Variants in DPP6 observed in about 807,000 individuals in gnomAD.
DPP6 encodes the protein dipeptidyl peptidase like 6.
Under a neutral mutation model 122.6 loss-of-function variants are expected in DPP6, and 69 were observed. That is an observed-to-expected ratio of 0.56 (90% confidence interval 0.46 to 0.69). DPP6 has a LOEUF of 0.69. Among genes scored for constraint, DPP6 ranks in the 30% least tolerant of loss-of-function variants. The pLI, the probability that DPP6 is intolerant of heterozygous loss-of-function variation, is 0.00. For synonymous variants in DPP6, 418 were observed against 433.1 expected (o/e 0.97, Z 0.43); for missense variants, 928 against 1,116.9 (o/e 0.83, Z 2.41).
rs1465413678 is a variant in DPP6, at chr7:154,474,952, T to C, written c.372T>C (p.Ser124=). The change falls in exon 3 of 26, where the codon AGT becomes AGC. Residue 124 remains serine, a synonymous_variant. Coordinates refer to ENST00000377770, the MANE Select transcript of DPP6 (RefSeq NM_130797.4). The stretch of plus-strand genomic sequence containing the variant: ...ATTTTTTTCTAGCGGAAGATAATAG[T>C]CTGTCTCAAAAGAAGAAGGTCACTG... ...VILLTPAEDN[S]LSQKKKVTVE... 2.5e-6 allele frequency: 4 copies of C among 1,613,304 alleles called. No homozygotes were observed. The highest frequency in any genetic ancestry group is 3.4e-6 in the Non-Finnish European group (4 of 1,179,480).
chr7:153,814,822 G>A, the DPP6 span, among the ~76,000 whole-genome samples: 1 of 151,756 alleles, frequency 6.6e-6, no homozygotes, highest in South Asian at 2.1e-4. Flanking sequence ...ATCAATAAAT[G>A]TAATCCAGCA....
At chr7:154,815,848 T>A (rs1354880604) in intron 16 of DPP6, among the ~76,000 whole-genome samples, 1 of 152,226 alleles carries the variant, frequency 6.6e-6, no homozygotes, top group Non-Finnish European at 1.5e-5. Context: ...GTCTTAGACT[T>A]AGCAGATTGG....
chr7:154,058,382 A>G (rs1046358688), intron 1 of DPP6: 1,587 of 119,636 alleles, frequency 0.013, 30 homozygotes, highest in East Asian at 0.05. Context: ...CCTGGCTCTG[A>G]GGACCCCCAT....
chr7:154,353,123 G>T (rs1218413075), intron 1 of DPP6, among the ~76,000 whole-genome samples: 2 of 152,250 alleles, frequency 1.3e-5, no homozygotes, highest in African/African-American at 4.8e-5. Context: ...CAGCCCAGAT[G>T]CACTGAATCA....
chr7:153,909,556 TC>T (rs1414148914), intron 1 of DPP6, among the ~76,000 whole-genome samples: 4 of 152,274 alleles, frequency 2.6e-5, no homozygotes, highest in African/African-American at 9.6e-5. Flanking sequence ...CCTCCTCATT[TC>T]CTCTTAAAAA....
At chr7:154,768,432 A>G (rs118016162) in intron 8 of DPP6, among the ~76,000 whole-genome samples, 1,624 of 152,338 alleles carry the variant, frequency 0.011, 21 homozygotes, top group South Asian at 0.024. Context: ...GTACGCACCT[A>G]ATAATAGCGA....
At chr7:153,920,683 C>T (rs1299875176) in intron 1 of DPP6, among the ~76,000 whole-genome samples, 1 of 146,606 alleles carries the variant, frequency 6.8e-6, no homozygotes, top group Admixed American at 7.1e-5. Context: ...ACCTTAGCCT[C>T]CTGAGTAGCT....
chr7:154,772,760 A>G, intron 9 of DPP6, 85 bp from the exon 10 acceptor site: 1 of 1,541,576 alleles, frequency 6.5e-7, no homozygotes, highest in Non-Finnish European at 8.8e-7. Flanking sequence ...CCACCTCGGA[A>G]TCTCCCAGGA....
At chr7:154,008,732 G>T (rs1314912905) in intron 1 of DPP6, among the ~76,000 whole-genome samples, 1 of 148,734 alleles carries the variant, frequency 6.7e-6, no homozygotes, top group East Asian at 2.0e-4. Flanking sequence ...CGCGATCTCG[G>T]CTCACTGCAA....
At chr7:154,133,097 T>C (rs538550147) in intron 1 of DPP6, among the ~76,000 whole-genome samples, 11 of 152,244 alleles carry the variant, frequency 7.2e-5, no homozygotes, top group African/African-American at 2.4e-4. Context: ...AAAAAGTAGC[T>C]CTGGGACAGG....
the DPP6 span, among the ~76,000 whole-genome samples, chr7:153,827,527 A>G: frequency 0.037 from 5,648 of 152,276 alleles, 151 homozygotes; most frequent in Middle Eastern, 0.061. Flanking sequence ...TTTTTGCCTT[A>G]TATCTCCAGA....
chr7:154,749,363 G>A (rs78423051), intron 8 of DPP6, among the ~76,000 whole-genome samples: 1,649 of 123,814 alleles, frequency 0.013, 75 homozygotes, highest in African/African-American at 0.027. Flanking sequence ...TACTGAGAGA[G>A]GGTGAGAGCA....
chr7:154,544,707 AG>A (rs1226006516), intron 4 of DPP6, among the ~76,000 whole-genome samples: 1 of 152,212 alleles, frequency 6.6e-6, no homozygotes, highest in Non-Finnish European at 1.5e-5. Flanking sequence ...CTGAATGTCC[AG>A]TCTTATCCCT....
At chr7:154,414,653 G>T (rs1485971022) in intron 1 of DPP6, among the ~76,000 whole-genome samples, 1 of 152,192 alleles carries the variant, frequency 6.6e-6, no homozygotes, top group East Asian at 1.9e-4. Context: ...TCTGCTGTCA[G>T]ACCAGTCCTG....
At chr7:153,774,115 A>C in the DPP6 span, among the ~76,000 whole-genome samples, 1 of 152,348 alleles carries the variant, frequency 6.6e-6, no homozygotes, top group South Asian at 2.1e-4. Context: ...ATGTTGACTG[A>C]AATTAAGGCT....
At chr7:154,815,928 C>T (rs1799399293) in intron 16 of DPP6, among the ~76,000 whole-genome samples, 1 of 152,226 alleles carries the variant, frequency 6.6e-6, no homozygotes, top group African/African-American at 2.4e-5. Context: ...GCCTAAAATA[C>T]AGTGACTCAA....
At chr7:153,916,125 C>T (rs1800301211) in intron 1 of DPP6, among the ~76,000 whole-genome samples, 2 of 151,572 alleles carry the variant, frequency 1.3e-5, no homozygotes, top group African/African-American at 4.8e-5. Flanking sequence ...CGCCACTGCG[C>T]CTGGCTAATG....
At chr7:154,574,357 G>A (rs1831323920) in intron 5 of DPP6, among the ~76,000 whole-genome samples, 2 of 148,360 alleles carry the variant, frequency 1.3e-5, no homozygotes, top group Non-Finnish European at 3.0e-5. Context: ...GTGTATATGT[G>A]TGTGTTGTGT....
At chr7:154,059,959 G>GA (rs1420900105) in intron 1 of DPP6, among the ~76,000 whole-genome samples, 8 of 152,108 alleles carry the variant, frequency 5.3e-5, no homozygotes, top group Admixed American at 1.3e-4. Context: ...CCCATTTTGT[G>GA]ATGGCTGAGA....
Sources: allele counts gnomAD v4.1 joint callset (sites outside exome capture counted in the v4.1 genomes callset), GRCh38; gene constraint gnomAD v4.1.1; transcripts MANE v1.5; gene names NCBI Gene and HGNC (gene_info 2026-07-23, HGNC 2026-07-21).